The following DIPK2A variants were observed in gnomAD, a reference collection of about 807,000 sequenced individuals.
DIPK2A encodes the protein Golgi Protein of 49 kDa.
DIPK2A carries 27 observed loss-of-function variants against 39.0 expected under a neutral mutation model. The ratio of observed to expected loss-of-function variants is 0.69; its 90% CI spans 0.51 to 0.96. The LOEUF is 0.96. DIPK2A is among the 40% of genes least tolerant of loss of function. The probability of loss-of-function intolerance (pLI) is 0.00; values close to 1 mark genes in which losing one functional copy is unlikely to be tolerated. For missense variants in DIPK2A, 528 were observed against 571.3 expected, an observed-to-expected ratio of 0.92 and a Z score of 0.77; for synonymous variants, 298 against 240.8, an observed-to-expected ratio of 1.24 and a Z score of -2.20.
chr3:143,982,682 A>G (rs1189937991), intron 1 of DIPK2A, among the ~76,000 whole-genome samples: 1 of 152,204 alleles, frequency 6.6e-6, no homozygotes, highest in Non-Finnish European at 1.5e-5. Context: ...ATGAAGAAAC[A>G]GCATCAACTA....
intron 1 of DIPK2A, among the ~76,000 whole-genome samples, chr3:143,981,564 C>A (rs892726105): frequency 2.0e-5 from 3 of 152,130 alleles, no homozygotes; most frequent in African/African-American, 7.2e-5. Flanking sequence ...TCAATCTTAA[C>A]ATTATTTTTC....
intron 2 of DIPK2A, among the ~76,000 whole-genome samples, chr3:143,986,729 A>C (rs2087907247): frequency 6.6e-6 from 1 of 151,510 alleles, no homozygotes; most frequent in Non-Finnish European, 1.5e-5. Context: ...TCTCAAAAAA[A>C]AAAAAAAAAA....
intron 1 of DIPK2A, among the ~76,000 whole-genome samples, chr3:143,984,685 CG>C (rs555774730): frequency 1.1e-4 from 11 of 97,194 alleles, no homozygotes; most frequent in African/African-American, 9.6e-4. Context: ...TCATGGAACA[CG>C]TTTTTTTTTG....
At position 143,972,169 on chromosome 3, in the gene DIPK2A, C is replaced by A. The variant is rs1346126359; in HGVS notation, c.-164C>A. On this transcript the variant is annotated 5_prime_UTR_variant, in exon 1 of 3. Transcript: ENST00000315691. The stretch of plus-strand genomic sequence containing the variant: ...CAGCCCGCTCAGGCCCGCGCCTTCC[C>A]GCTCCCCGTCTTCCTCTCTCACACA... 3 of 533,972 alleles carry A rather than the reference C, an allele frequency of 5.6e-6. No individual in the cohort carries two copies. Among genetic ancestry groups the A allele is most frequent in the Admixed American group, 4.3e-5 (1 of 23,390 alleles). 33.1% of individuals were successfully genotyped at this position (533,972 alleles called of 1,614,324 possible).
intron 1 of DIPK2A, among the ~76,000 whole-genome samples, chr3:143,976,231 G>A (rs1012634958): frequency 6.6e-6 from 1 of 151,856 alleles, no homozygotes; most frequent in African/African-American, 2.4e-5. Context: ...TCTAAAAAAT[G>A]TTTATAAACA....
rs1477802986 is a variant in DIPK2A at position 143,980,699 on chromosome 3, A to C, written c.658-4844A>C. On this transcript the variant is annotated intron_variant, in intron 1 of 2. Transcript: ENST00000315691. ...ATTCACATTTTAGATTGTATGTTTT[A>C]TTAATAGTTTTTTTGAAGTTAGTTT... 2.7e-5 allele frequency among the ~76,000 whole-genome samples: 4 copies of C among 149,744 alleles called. No homozygotes were observed. In the East Asian group the frequency reaches 7.8e-4, roughly 29 times the overall value.
intron 1 of DIPK2A, among the ~76,000 whole-genome samples, chr3:143,974,959 T>C (rs1220220749): frequency 6.6e-6 from 1 of 152,164 alleles, no homozygotes; most frequent in Admixed American, 6.5e-5. Context: ...GTGTATCTTG[T>C]TTTCTGTTTA....
In DIPK2A at chr3:143,986,121, T is replaced by G. The variant is rs369855219; in HGVS notation, c.961+275T>G. 21 of 351,756 alleles carry G rather than the reference T, an allele frequency of 6.0e-5. 2 individuals are homozygous for G. The South Asian group carries it at 1.0e-3, about 17-fold the overall frequency. 21.8% of individuals were successfully genotyped at this position (351,756 alleles called of 1,614,324 possible). On this transcript the variant is annotated intron_variant, in intron 2 of 2. Coordinates refer to ENST00000315691, the MANE Select transcript of DIPK2A (RefSeq NM_173552.5). ...AGCTTAGTCTTGCCTACCTTAGACA[T>G]ACTCAGAACACTTACATTAGTCTAA...
intron 1 of DIPK2A, among the ~76,000 whole-genome samples, chr3:143,985,338 T>G (rs1225184636): frequency 6.6e-6 from 1 of 152,212 alleles, no homozygotes; most frequent in Non-Finnish European, 1.5e-5. Context: ...AGCTTTATAA[T>G]GTAAAGTTCT....
chr3:143,973,840 A>C (rs964563818), intron 1 of DIPK2A: 5 of 513,422 alleles, frequency 9.7e-6, no homozygotes, highest in Non-Finnish European at 1.8e-5. Context: ...GGGGAATAGG[A>C]TGGAATCTTT....
At chr3:143,973,274 C>A in intron 1 of DIPK2A, 1 of 1,415,570 alleles carries the variant, frequency 7.1e-7, no homozygotes, top group Middle Eastern at 1.7e-4. Flanking sequence ...CTTAACACTC[C>A]CCAAAATGTC....
rs1052290656 is a variant in DIPK2A at position 143,972,728 on chromosome 3, G to A, written c.396G>A (p.Arg132=). Residue 132 remains arginine (R), a synonymous_variant, in exon 1 of 3, where the codon CGG becomes CGA. Coordinates refer to ENST00000315691, the MANE Select transcript of DIPK2A (RefSeq NM_173552.5). ...DQSICKRATG[R]PRCDLLQAMP... ...GCATCTGCAAGCGGGCCACCGGCCG[G>A]CCCCGCTGCGACCTGCTGCAGGCCA... 13 of 1,588,754 alleles carry A rather than the reference G, an allele frequency of 8.2e-6. No homozygotes were observed. The highest frequency in any genetic ancestry group is 1.7e-5 in the Admixed American group (1 of 57,574).
chr3:143,973,722 G>A (rs954314916), intron 1 of DIPK2A: 62 of 626,362 alleles, frequency 9.9e-5, no homozygotes, highest in African/African-American at 7.8e-4. Context: ...TAGTTGAAGG[G>A]AGATGAAATA....
chr3:143,989,662 G>A lies in DIPK2A; in HGVS notation c.1114G>A (p.Ala372Thr). The change falls in exon 3 of 3, where the codon GCC becomes ACC. Residue 372 changes from alanine (A) to threonine (T), a missense_variant. By Grantham distance (58) the Ala-to-Thr change is moderately conservative. This residue lies in a region of DIPK2A where 219 missense variants were observed against 281.5 expected (regional missense o/e 0.78). Transcript: ENST00000315691. ...TTGTCAGAACCTCTTATCCAGACAT[G>A]CCACCTGGCGTGGCACTTCTGGAGG... ...AVCQNLLSRHATWRGTSGGLL... is the reference protein window; with the variant it reads ...AVCQNLLSRHTTWRGTSGGLL... The A allele has an allele frequency of 1.9e-6, 3 of 1,614,198 alleles. No homozygotes were observed. The highest frequency in any genetic ancestry group is 2.5e-6 in the Non-Finnish European group (3 of 1,180,034).
chr3:143,986,657 G>A (rs537487591), intron 2 of DIPK2A, among the ~76,000 whole-genome samples: 85 of 151,264 alleles, frequency 5.6e-4, no homozygotes, highest in Non-Finnish European at 1.1e-3. Flanking sequence ...CCCAGGGGGC[G>A]GAGCCTGCAG....
Position 143,972,239 on chromosome 3 carries a change from C to T in DIPK2A, c.-94C>T, listed in dbSNP as rs989153903. 6.7e-6 allele frequency: 8 copies of T among 1,198,084 alleles called. No homozygotes were observed. The highest frequency in any genetic ancestry group is 8.7e-6 in the Non-Finnish European group (8 of 923,656). The allele number at this position is 1,198,084 out of a possible 1,614,324, so 74.2% of individuals were successfully genotyped here. ...CAGCCCGCGCGCTAGCTCCTTCTCTCGCCCGGGGTTCCTGCCGGTAGCTCT... is the reference window on the plus strand; with the variant it reads ...CAGCCCGCGCGCTAGCTCCTTCTCTTGCCCGGGGTTCCTGCCGGTAGCTCT... On this transcript the variant is annotated 5_prime_UTR_variant, in exon 1 of 3. Transcript: ENST00000315691.
rs190795537 is a variant in DIPK2A, at chr3:143,977,999, A to C, written c.657+5010A>C. ...TTTTGTCCTTTGTATACTTTTGTCT[A>C]GTCTTTGAACTATTCTTTATATTTC... On this transcript the variant is annotated intron_variant, in intron 1 of 2. Transcript: ENST00000315691. 3.6e-3 allele frequency among the ~76,000 whole-genome samples: 543 copies of C among 152,182 alleles called. 3 individuals carry two copies. Among genetic ancestry groups the C allele is most frequent in the Middle Eastern group, 0.01 (3 of 294 alleles).
intron 2 of DIPK2A, 112 bp downstream of exon 2, chr3:143,985,958 GTCTT>G: frequency 1.3e-6 from 1 of 796,540 alleles, no homozygotes. Context: ...AACTTTAAGC[GTCTT>G]TCTTTGCTTT....
At chr3:143,983,572 A>G (rs188799468) in intron 1 of DIPK2A, among the ~76,000 whole-genome samples, 2 of 152,334 alleles carry the variant, frequency 1.3e-5, no homozygotes, top group Non-Finnish European at 2.9e-5. Flanking sequence ...TTAGAGGAAA[A>G]TCTATAGCAT....
Sources: gnomAD v4.1 joint callset for allele counts (sites outside exome capture counted in the v4.1 genomes callset) on GRCh38, gnomAD v4.1.1 for gene constraint, gnomAD v4.1.1 regional missense constraint, MANE v1.5 for transcripts, NCBI Gene and HGNC (gene_info 2026-07-23, HGNC 2026-07-21) for gene names.